Variants in POLR2E observed in about 807,000 individuals in gnomAD.
POLR2E encodes the protein DNA-directed RNA polymerases I, II, and III subunit RPABC1.
Under a neutral mutation model 29.8 loss-of-function variants are expected in POLR2E, and 35 were observed. The ratio of observed to expected loss-of-function variants is 1.17; its 90% CI spans 0.90 to 1.55. The LOEUF is 1.55. Among genes scored for constraint, POLR2E ranks in the 40% most tolerant of loss-of-function variants. The probability of loss-of-function intolerance (pLI) is 0.00; values close to 1 mark genes in which losing one functional copy is unlikely to be tolerated. For missense variants in POLR2E, 287 were observed against 288.6 expected (o/e 0.99, Z 0.04); for synonymous variants, 174 against 112.6 (o/e 1.55, Z -3.45).
In POLR2E at chr19:1,090,023, G is replaced by T. The variant is rs1354745454; in HGVS notation, c.489-61C>A. ...CGTTGGGGGGGCAGGGGTGTGTGTG[G>T]GGGGGGAACGCGGAAGTCTCGAGGG... On this transcript the variant is annotated intron_variant, in intron 5 of 7. Coordinates refer to ENST00000615234, the MANE Select transcript of POLR2E (RefSeq NM_002695.5). 4.0e-5 allele frequency: 53 copies of T among 1,323,638 alleles called. No individual in the cohort carries two copies. The African/African-American group carries it at 1.2e-3, about 30-fold the overall frequency. The allele number at this position is 1,323,638 out of a possible 1,614,324, so 82.0% of individuals were successfully genotyped here. A position where few individuals can be genotyped will look rare whatever the true frequency, so the allele number is the denominator to read the frequency against.
chr19:1,090,066 C>T (rs1390732763), intron 5 of POLR2E, 21 bp downstream of exon 5: 192 of 1,607,644 alleles, frequency 1.2e-4, no homozygotes, highest in South Asian at 1.9e-4. Flanking sequence ...GGGGCGGGGC[C>T]GGTGGGGCTG....
Position 1,095,296 on chromosome 19 carries a change from G to A in POLR2E, c.20C>T (p.Thr7Met), listed in dbSNP as rs1456332319. The stretch of plus-strand genomic sequence containing the variant: ...CTTGCGGATTTTCCAGAGCCGGTAC[G>A]TCTCCTCCTCGTCGTCCATGGCAGC... MDDEEE[T>M]YRLWKIRKTI... Residue 7 changes from threonine to methionine, a missense_variant, in exon 1 of 8, where the codon ACG becomes ATG. Physicochemically the swap from Thr to Met is moderately conservative, Grantham distance 81. Coordinates refer to ENST00000615234, the MANE Select transcript of POLR2E (RefSeq NM_002695.5). 6.2e-6 allele frequency: 10 copies of A among 1,613,208 alleles called. No homozygotes were observed. The highest frequency in any genetic ancestry group is 1.7e-5 in the Admixed American group (1 of 60,004).
rs761936383 is a variant in POLR2E, at chr19:1,094,115, G to C, written c.58-37C>G. 2.5e-6 allele frequency: 4 copies of C among 1,576,648 alleles called. No homozygotes were observed. In the East Asian group the frequency reaches 6.8e-5, roughly 27 times the overall value. ...AAGAACCAGCTGACCCCAGGGCAGA[G>C]AGAGGAAGGCGGCCAAAGCTCGTGA... is the stretch of plus-strand genomic sequence containing the variant. On this transcript the variant is annotated intron_variant, in intron 1 of 7. Coordinates refer to ENST00000615234, the MANE Select transcript of POLR2E (RefSeq NM_002695.5).
At position 1,088,319 on chromosome 19, in the gene POLR2E, C is replaced by CG. The variant is rs1328924510; in HGVS notation, c.*415dup. On this transcript the variant is annotated 3_prime_UTR_variant, in exon 8 of 8. Transcript: ENST00000615234. Reference sequence around the variant, plus strand: ...AATGGAGTAAAGAGCCGAGGCCGGGCGGGGGCCGCCACGCATCAGGGCCCC... The same window carrying CG: ...AATGGAGTAAAGAGCCGAGGCCGGGCGGGGGGCCGCCACGCATCAGGGCCCC... The CG allele has an allele frequency of 6.6e-6, 1 of 152,138 alleles. No homozygotes were observed. Among genetic ancestry groups the CG allele is most frequent in the African/African-American group, 2.4e-5 (1 of 41,374 alleles). 9.4% of individuals were successfully genotyped at this position (152,138 alleles called of 1,614,324 possible).
chr19:1,095,043 G>C, intron 1 of POLR2E: 132 of 326,070 alleles, frequency 4.0e-4, no homozygotes, highest in Middle Eastern at 2.7e-3. Context: ...CCTAAGCACC[G>C]CACCCAGACG....
At chr19:1,094,236 C>T in intron 1 of POLR2E, 158 bp from the exon 2 acceptor site, 6 of 633,028 alleles carry the variant, frequency 9.5e-6, no homozygotes, top group Non-Finnish European at 1.1e-5. Flanking sequence ...ACCCCGGCCC[C>T]CACAGCCTCA....
rs56077864 is a variant in POLR2E, at chr19:1,095,138, C to T, written c.57+121G>A. ...CCGGCGACCTCTGGGCCTCCCGTAT[C>T]GGCCCGGCCCTTCATCGCTGCTGCT... On this transcript the variant is annotated intron_variant, in intron 1 of 7. Coordinates refer to ENST00000615234, the MANE Select transcript of POLR2E (RefSeq NM_002695.5). 4.3e-3 allele frequency: 4,475 copies of T among 1,042,038 alleles called. 144 individuals are homozygous for T. The African/African-American group carries it at 0.067, about 16-fold the overall frequency. 64.5% of individuals were successfully genotyped at this position (1,042,038 alleles called of 1,614,324 possible).
At chr19:1,093,765 G>A in intron 2 of POLR2E, 139 bp downstream of exon 2, 26 of 1,415,554 alleles carry the variant, frequency 1.8e-5, no homozygotes, top group Non-Finnish European at 2.4e-5. Context: ...CAGCAAGGAA[G>A]GGGAGGGGAG....
At position 1,086,961 on chromosome 19, in the gene POLR2E, T is replaced by A. The variant is rs1387604238; in HGVS notation, c.*1774A>T. Reference sequence around the variant, plus strand: ...TCAGCCCCACATGGCCACCAAGCACTGGAAACGTGGCCCATGCGCCTGTGG... The same window carrying A: ...TCAGCCCCACATGGCCACCAAGCACAGGAAACGTGGCCCATGCGCCTGTGG... On this transcript the variant is annotated 3_prime_UTR_variant, in exon 8 of 8. Transcript: ENST00000615234. The A allele has an allele frequency of 1.3e-5, 2 of 151,166 alleles. No individual in the cohort carries two copies. The highest frequency in any genetic ancestry group is 1.3e-4 in the Admixed American group (2 of 15,200). The allele number at this position is 151,166 out of a possible 1,614,324, so 9.4% of individuals were successfully genotyped here.
At chr19:1,090,233 A>G in intron 4 of POLR2E, 88 bp from the exon 5 acceptor site, 1 of 1,122,108 alleles carries the variant, frequency 8.9e-7, no homozygotes, top group South Asian at 1.3e-5. Flanking sequence ...CTGCGCCTTC[A>G]GACGGACAAG....
At chr19:1,094,268 T>G (rs1568517816) in intron 1 of POLR2E, 190 bp from the exon 2 acceptor site, 7 of 560,296 alleles carry the variant, frequency 1.2e-5, no homozygotes, top group Non-Finnish European at 2.2e-5. Context: ...GGGACCAGTA[T>G]GATCCTGAGA....
chr19:1,094,262 C>A (rs2043897646), intron 1 of POLR2E, 184 bp from the exon 2 acceptor site: 2 of 565,986 alleles, frequency 3.5e-6, no homozygotes. Context: ...CAGGATGGGA[C>A]CAGTATGATC....
intron 1 of POLR2E, 57 bp from the exon 2 acceptor site, chr19:1,094,135 T>C: frequency 6.5e-7 from 1 of 1,529,694 alleles, no homozygotes; most frequent in Non-Finnish European, 8.9e-7. Context: ...CGGCCAAAGC[T>C]CGTGACCCGG....
At chr19:1,089,635 G>C (rs950570466) in intron 6 of POLR2E, 84 bp from the exon 7 acceptor site, 1 of 1,197,278 alleles carries the variant, frequency 8.4e-7, no homozygotes, top group Admixed American at 1.7e-5. Context: ...CACACGGGCT[G>C]GGGATGGCCG....
intron 1 of POLR2E, chr19:1,094,443 G>A (rs1191777125): frequency 8.5e-6 from 2 of 234,164 alleles, no homozygotes; most frequent in East Asian, 9.6e-5. Flanking sequence ...ACTTAGGGAG[G>A]CTGAGGCAGG....
In POLR2E at chr19:1,089,664, T is replaced by C. The variant is rs1172936712; in HGVS notation, c.568-113A>G. The C allele has an allele frequency of 6.3e-6, 6 of 946,910 alleles. No individual in the cohort carries two copies. The African/African-American group carries it at 8.1e-5, about 13-fold the overall frequency. 58.7% of individuals were successfully genotyped at this position (946,910 alleles called of 1,614,324 possible). A position where few individuals can be genotyped will look rare whatever the true frequency, so the allele number is the denominator to read the frequency against. ...ATGGCCGGCAGGGGTCCGAGATGGCTGACCCTGGGCTGTGGGACCCGCTCC... is the reference window on the plus strand; with the variant it reads ...ATGGCCGGCAGGGGTCCGAGATGGCCGACCCTGGGCTGTGGGACCCGCTCC... On this transcript the variant is annotated intron_variant, in intron 6 of 7. Coordinates refer to ENST00000615234, the MANE Select transcript of POLR2E (RefSeq NM_002695.5).
rs1479652332 is a variant in POLR2E, at chr19:1,091,886, T to C, written c.254A>G (p.Lys85Arg). ...GCGCTGGCAGTACACCTTGATGGTC[T>C]TGATGCCCACCTTGGGCTCCTCTGC... ...FFPEEPKVGIKTIKVYCQRMQ... is the reference protein window; with the variant it reads ...FFPEEPKVGIRTIKVYCQRMQ... Residue 85 changes from lysine (K) to arginine (R), a missense_variant, in exon 3 of 8, where the codon AAG (lysine) becomes AGG (arginine). Coordinates refer to ENST00000615234, the MANE Select transcript of POLR2E (RefSeq NM_002695.5). 2 of 1,612,248 alleles carry C rather than the reference T, an allele frequency of 1.2e-6. No homozygotes were observed. Among genetic ancestry groups the C allele is most frequent in the South Asian group, 1.1e-5 (1 of 91,070 alleles).
At chr19:1,094,143 CG>C (rs1188235077) in intron 1 of POLR2E, 65 bp from the exon 2 acceptor site, 11 of 1,487,936 alleles carry the variant, frequency 7.4e-6, no homozygotes, top group Admixed American at 5.9e-5. Context: ...GCTCGTGACC[CG>C]GAAGTCAGAC....
chr19:1,092,681 C>G (rs1292825530), intron 2 of POLR2E, among the ~76,000 whole-genome samples: 1 of 151,734 alleles, frequency 6.6e-6, no homozygotes, highest in Non-Finnish European at 1.5e-5. Context: ...GAGCAAGACT[C>G]TGTCTCAAAA....
Sources: gnomAD v4.1 joint callset for allele counts (sites outside exome capture counted in the v4.1 genomes callset) on GRCh38, gnomAD v4.1.1 for gene constraint, MANE v1.5 for transcripts, NCBI Gene and HGNC (gene_info 2026-07-23, HGNC 2026-07-21) for gene names.